The following CHD9 variants were observed in gnomAD, a reference collection of about 807,000 sequenced individuals.
CHD9 encodes chromodomain helicase DNA binding protein 9.
In CHD9, 77 loss-of-function variants were observed where a neutral mutation model predicts 316.1. The observed-to-expected ratio is 0.24, with a 90% CI of 0.20 to 0.29. The LOEUF (loss-of-function observed/expected upper bound fraction) is 0.29, where lower values mean the gene tolerates loss of function less well. CHD9 is among the 10% of genes least tolerant of loss of function. The pLI is 1.00. For synonymous variants in CHD9, 1,129 were observed against 1,158.3 expected (o/e 0.97, Z 0.51); for missense variants, 2,763 against 3,438.1 (o/e 0.80, Z 4.91).
rs2045962741 is a variant in CHD9 at position 53,207,272 on chromosome 16, A to C, written c.1453-2210A>C. On this transcript the variant is annotated intron_variant, in intron 2 of 38. Coordinates refer to ENST00000447540, the MANE Select transcript of CHD9 (RefSeq NM_001308319.2). The stretch of plus-strand genomic sequence containing the variant: ...CAATTTTTATAGAAAGAAAAGTTGT[A>C]CTGATGTTCAAATTCAAGTTGACTT... 1.3e-5 allele frequency among the ~76,000 whole-genome samples: 2 copies of C among 152,234 alleles called. 1 individual carries two copies. Among genetic ancestry groups the C allele is most frequent in the Admixed American group, 1.3e-4 (2 of 15,282 alleles).
At chr16:53,166,656 G>A (rs1425351690) in intron 2 of CHD9, among the ~76,000 whole-genome samples, 1 of 152,030 alleles carries the variant, frequency 6.6e-6, no homozygotes, top group Admixed American at 6.6e-5. Context: ...TTGGGCAATT[G>A]GACTGAAATG....
intron 19 of CHD9, among the ~76,000 whole-genome samples, chr16:53,258,738 C>T (rs1459149322): frequency 8.6e-5 from 13 of 152,042 alleles, no homozygotes; most frequent in Admixed American, 8.5e-4. Flanking sequence ...AGATAGAACT[C>T]ATTATTGGTA....
At chr16:53,170,047 T>TTTG (rs1267395659) in intron 2 of CHD9, among the ~76,000 whole-genome samples, 37 of 146,150 alleles carry the variant, frequency 2.5e-4, no homozygotes, top group Non-Finnish European at 4.5e-4. Context: ...CAGTTTTTTT[T>TTTG]TGTTTTTTTT....
chr16:53,113,995 C>A (rs2038072638), intron 1 of CHD9, among the ~76,000 whole-genome samples: 3 of 151,806 alleles, frequency 2.0e-5, no homozygotes, highest in South Asian at 4.1e-4. Flanking sequence ...AGCCACCACA[C>A]CCAACCTTTA....
intron 1 of CHD9, among the ~76,000 whole-genome samples, chr16:53,127,332 T>C (rs1425409400): frequency 6.6e-6 from 1 of 152,212 alleles, no homozygotes; most frequent in Non-Finnish European, 1.5e-5. Context: ...TTCATATTCC[T>C]CAAACTTGCA....
chr16:53,146,214 C>T (rs1372355991), intron 1 of CHD9, among the ~76,000 whole-genome samples: 6 of 135,540 alleles, frequency 4.4e-5, no homozygotes, highest in African/African-American at 1.4e-4. Context: ...GGTGAAACCC[C>T]GTCTCTACTA....
rs756825213 is a variant in CHD9, at chr16:53,304,149, A to T, written c.6143A>T (p.Lys2048Ile). ...KGIILEEMKV[K>I]SENLKEEPQS... Reference sequence around the variant, plus strand: ...ATTATTCTAGAGGAGATGAAAGTTAAAAGTGAAAACCTTAAAGAGGAGCCT... The same window carrying T: ...ATTATTCTAGAGGAGATGAAAGTTATAAGTGAAAACCTTAAAGAGGAGCCT... The change falls in exon 31 of 39, where the codon AAA becomes ATA. Residue 2048 changes from lysine to isoleucine, a missense_variant. Physicochemically the swap from Lys to Ile is moderately radical, Grantham distance 102 (BLOSUM62 -3). Coordinates refer to ENST00000447540, the MANE Select transcript of CHD9 (RefSeq NM_001308319.2). 6.2e-7 allele frequency: 1 copy of T among 1,613,102 alleles called. No individual in the cohort carries two copies. Among genetic ancestry groups the T allele is most frequent in the South Asian group, 1.1e-5 (1 of 90,958 alleles).
chr16:53,122,569 G>A (rs1487664426), intron 1 of CHD9, among the ~76,000 whole-genome samples: 1 of 138,782 alleles, frequency 7.2e-6, no homozygotes, highest in Non-Finnish European at 1.5e-5. Context: ...TTTTGAGACA[G>A]AGTCTCACTC....
In CHD9 at chr16:53,207,990, T is replaced by C. The variant is rs574462381; in HGVS notation, c.1453-1492T>C. ...AGTATTTTTAACGACATCTCTAATA[T>C]TCATGCTGATGCATTTTGATGCTTT... On this transcript the variant is annotated intron_variant, in intron 2 of 38. Transcript: ENST00000447540. 115 of 986,918 alleles carry C rather than the reference T, an allele frequency of 1.2e-4. 2 individuals carry two copies. The South Asian group carries it at 3.4e-3, about 29-fold the overall frequency. 61.1% of individuals were successfully genotyped at this position (986,918 alleles called of 1,614,324 possible).
Position 53,071,487 on chromosome 16 carries a change from G to A in CHD9, c.-165+16410G>A, listed in dbSNP as rs115180240. Among the ~76,000 whole-genome samples, 325 of 152,268 alleles carry A rather than the reference G, an allele frequency of 2.1e-3. 3 individuals carry two copies. The highest frequency in any genetic ancestry group is 6.6e-3 in the African/African-American group (276 of 41,540). ...AAAGGGTTTGCGAGTTCCTCTTCCT[G>A]GGGTAGGAATGGGAATAGTAAAATA... On this transcript the variant is annotated intron_variant, in intron 1 of 38. Transcript: ENST00000447540.
intron 1 of CHD9, among the ~76,000 whole-genome samples, chr16:53,128,298 T>A (rs773390160): frequency 1.1e-4 from 17 of 152,164 alleles, no homozygotes; most frequent in Non-Finnish European, 2.2e-4. Flanking sequence ...TTCTCCTGCC[T>A]CAGCCTCCCG....
chr16:53,296,692 G>T (rs1004999370), intron 29 of CHD9, among the ~76,000 whole-genome samples: 1 of 151,772 alleles, frequency 6.6e-6, no homozygotes, highest in Non-Finnish European at 1.5e-5. Context: ...CGATCCGCCC[G>T]CCTCGGCCTC....
chr16:53,148,404 T>C (rs2040817854), intron 1 of CHD9, among the ~76,000 whole-genome samples: 2 of 152,164 alleles, frequency 1.3e-5, no homozygotes, highest in South Asian at 4.1e-4. Flanking sequence ...CCCGTCTGGC[T>C]TGTTTAACTT....
chr16:53,287,881 C>T, intron 26 of CHD9, 76 bp from the exon 27 acceptor site: 1 of 1,204,144 alleles, frequency 8.3e-7, no homozygotes, highest in Non-Finnish European at 1.2e-6. Flanking sequence ...CTAAAACCCT[C>T]CAACAAGACT....
chr16:53,184,649 AAAAG>A, intron 2 of CHD9, among the ~76,000 whole-genome samples: 1 of 152,234 alleles, frequency 6.6e-6, no homozygotes, highest in Admixed American at 6.5e-5. Context: ...AGTGGTGTTT[AAAAG>A]ATAGTTAGAT....
At position 53,235,228 on chromosome 16, in the gene CHD9, G is replaced by A; in HGVS notation, c.2555G>A (p.Arg852Lys). Reference sequence around the variant, plus strand: ...ATTTGGAAGAAAATAGATCAATCCAGGGACTATAAAAATGGCAATCAACTC... The same window carrying A: ...ATTTGGAAGAAAATAGATCAATCCAAGGACTATAAAAATGGCAATCAACTC... ...SNIWKKIDQS[R>K]DYKNGNQLRE... Residue 852 changes from arginine (R) to lysine (K), a missense_variant, in exon 11 of 39, where the codon AGG (arginine) becomes AAG (lysine). Around this residue, in one of 15 missense-constraint regions of CHD9, gnomAD observed 186 missense variants for 245.0 expected, o/e 0.76. Coordinates refer to ENST00000447540, the MANE Select transcript of CHD9 (RefSeq NM_001308319.2). 1.3e-6 allele frequency: 2 copies of A among 1,551,772 alleles called. No homozygotes were observed. Among genetic ancestry groups the A allele is most frequent in the East Asian group, 4.8e-5 (2 of 41,538 alleles).
chr16:53,314,879 C>A lies in CHD9; in HGVS notation c.7419C>A (p.Ser2473=). The change falls in exon 36 of 39, where the codon TCC becomes TCA. Residue 2473 remains serine, a synonymous_variant. Coordinates refer to ENST00000447540, the MANE Select transcript of CHD9 (RefSeq NM_001308319.2). The part of the protein sequence containing the change: ...QISTGINPAL[S]YTQPQGIPDT... ...CCACAGGGATAAATCCAGCACTATC[C>A]TATACTCAACCTCAAGGAATTCCTG... 6.2e-7 allele frequency: 1 copy of A among 1,613,764 alleles called. No individual in the cohort carries two copies. The highest frequency in any genetic ancestry group is 8.5e-7 in the Non-Finnish European group (1 of 1,179,796).
chr16:53,084,032 G>A (rs1416786434), intron 1 of CHD9, among the ~76,000 whole-genome samples: 1 of 151,940 alleles, frequency 6.6e-6, no homozygotes, highest in Admixed American at 6.6e-5. Flanking sequence ...TTACAAGCGT[G>A]AGCCACCCGC....
intron 2 of CHD9, among the ~76,000 whole-genome samples, chr16:53,180,922 G>T (rs2043458259): frequency 6.6e-6 from 1 of 151,746 alleles, no homozygotes; most frequent in Non-Finnish European, 1.5e-5. Context: ...TGATCCGCCT[G>T]CCTCAGCCTC....
Sources: allele counts gnomAD v4.1 joint callset (sites outside exome capture counted in the v4.1 genomes callset), GRCh38; gene constraint gnomAD v4.1.1; regional missense constraint gnomAD v4.1.1; transcripts MANE v1.5; gene names NCBI Gene and HGNC (gene_info 2026-07-23, HGNC 2026-07-21).